The following KHDRBS2 variants were observed in gnomAD, a reference collection of about 807,000 sequenced individuals.
The protein encoded by KHDRBS2 is KH domain-containing, RNA-binding, signal transduction-associated protein 2.
KHDRBS2 carries 26 observed loss-of-function variants against 44.3 expected under a neutral mutation model. The ratio of observed to expected loss-of-function variants is 0.59; its 90% CI spans 0.43 to 0.81. KHDRBS2 has a LOEUF of 0.81. Among genes scored for constraint, KHDRBS2 ranks in the 40% least tolerant of loss-of-function variants. KHDRBS2 has a pLI of 0.00. For missense variants in KHDRBS2, 476 were observed against 433.1 expected (o/e 1.10, Z -0.88); for synonymous variants, 194 against 151.1 (o/e 1.28, Z -2.08).
chr6:62,254,205 TTTATA>T (rs1439617524), intron 1 of KHDRBS2, among the ~76,000 whole-genome samples: 6 of 152,176 alleles, frequency 3.9e-5, no homozygotes, highest in African/African-American at 1.4e-4. Flanking sequence ...CACAGAATAC[TTTATA>T]TTAAAGTGCT....
At chr6:61,635,723 G>A in the KHDRBS2 span, among the ~76,000 whole-genome samples, 1 of 152,118 alleles carries the variant, frequency 6.6e-6, no homozygotes, top group Admixed American at 6.6e-5. Context: ...TACTATCCAT[G>A]TTGAGGTTCC....
chr6:61,562,996 C>A, the KHDRBS2 span, among the ~76,000 whole-genome samples: 3 of 152,096 alleles, frequency 2.0e-5, no homozygotes, highest in Non-Finnish European at 2.9e-5. Flanking sequence ...CTGTGCAGAA[C>A]ATACTGGCTT....
intron 2 of KHDRBS2, among the ~76,000 whole-genome samples, chr6:62,050,450 G>GA (rs774252795): frequency 2.0e-5 from 3 of 148,496 alleles, no homozygotes; most frequent in Admixed American, 6.7e-5. Flanking sequence ...AAGGGGGTGA[G>GA]AAAAAAAAGC....
intron 1 of KHDRBS2, among the ~76,000 whole-genome samples, chr6:62,273,970 CTGT>C (rs1425202610): frequency 6.6e-6 from 1 of 152,090 alleles, no homozygotes; most frequent in African/African-American, 2.4e-5. Context: ...AATGGAGTCT[CTGT>C]CACCCAGGCT....
intron 4 of KHDRBS2, among the ~76,000 whole-genome samples, chr6:61,968,795 T>G (rs1289860076): frequency 6.6e-6 from 1 of 152,012 alleles, no homozygotes; most frequent in Non-Finnish European, 1.5e-5. Context: ...CCTTTTTTGT[T>G]GCCTGACCTC....
rs990051377 is a variant in KHDRBS2 at position 61,945,166 on chromosome 6, T to G, written c.483+32900A>C. 8.9e-4 allele frequency among the ~76,000 whole-genome samples: 100 copies of G among 112,032 alleles called. 6 individuals carry two copies. The highest frequency in any genetic ancestry group is 3.3e-3 in the African/African-American group (100 of 30,580). 73.5% of individuals were successfully genotyped at this position (112,032 alleles called of 152,430 possible). A position where few individuals can be genotyped will look rare whatever the true frequency, so the allele number is the denominator to read the frequency against. On this transcript the variant is annotated intron_variant, in intron 4 of 8. Coordinates refer to ENST00000281156, the MANE Select transcript of KHDRBS2 (RefSeq NM_152688.4). ...ATATATATATACACACAGACTTGTC[T>G]TGATAAAGTTTATTTTTAATAGTAA... is the stretch of plus-strand genomic sequence containing the variant.
chr6:62,169,982 T>G (rs1585044561), intron 2 of KHDRBS2, among the ~76,000 whole-genome samples: 1 of 151,474 alleles, frequency 6.6e-6, no homozygotes, highest in Admixed American at 6.6e-5. Context: ...ACAGCCTTCT[T>G]ACAGTCTTAG....
At chr6:61,983,206 TTC>T (rs1491206410) in intron 3 of KHDRBS2, among the ~76,000 whole-genome samples, 1 of 64,142 alleles carries the variant, frequency 1.6e-5, no homozygotes, top group African/African-American at 6.2e-5. Flanking sequence ...TTCATTTTCT[TTC>T]TTTCTTTCTT....
At chr6:61,774,606 C>A (rs908097198) in intron 6 of KHDRBS2, among the ~76,000 whole-genome samples, 2 of 152,116 alleles carry the variant, frequency 1.3e-5, no homozygotes, top group African/African-American at 4.8e-5. Flanking sequence ...GAAGTTGAAT[C>A]TCTGAATAGA....
chr6:62,029,794 A>C (rs1162738026), intron 3 of KHDRBS2, among the ~76,000 whole-genome samples: 2 of 151,998 alleles, frequency 1.3e-5, no homozygotes, highest in Non-Finnish European at 2.9e-5. Flanking sequence ...CACTTATATA[A>C]GACATTCAAT....
chr6:61,790,057 A>G (rs533023649), intron 6 of KHDRBS2, among the ~76,000 whole-genome samples: 2 of 151,606 alleles, frequency 1.3e-5, no homozygotes, highest in African/African-American at 4.8e-5. Context: ...TGACTCAGGC[A>G]TATAACCCCC....
chr6:62,034,510 G>C (rs1784904790), intron 3 of KHDRBS2, among the ~76,000 whole-genome samples: 1 of 151,586 alleles, frequency 6.6e-6, no homozygotes. Flanking sequence ...CAATCAACAT[G>C]ATACATCAGT....
chr6:61,776,908 AATGG>A (rs1371290262), intron 6 of KHDRBS2, among the ~76,000 whole-genome samples: 1 of 152,204 alleles, frequency 6.6e-6, no homozygotes, highest in Non-Finnish European at 1.5e-5. Flanking sequence ...ACAACGATAG[AATGG>A]ATGAAGAAAA....
intron 6 of KHDRBS2, among the ~76,000 whole-genome samples, chr6:61,791,477 C>T (rs1192069): frequency 0.23 from 34,789 of 151,212 alleles, 4,704 homozygotes; most frequent in South Asian, 0.35. Flanking sequence ...TTGAATTTCT[C>T]CCTCAAAGCA....
At chr6:62,180,233 T>A (rs1477704616) in intron 1 of KHDRBS2, among the ~76,000 whole-genome samples, 1 of 151,810 alleles carries the variant, frequency 6.6e-6, no homozygotes, top group Non-Finnish European at 1.5e-5. Flanking sequence ...GGCATCCAAA[T>A]AAGGAAAGTA....
chr6:62,262,258 A>G (rs139312665), intron 1 of KHDRBS2, among the ~76,000 whole-genome samples: 148 of 151,886 alleles, frequency 9.7e-4, no homozygotes, highest in African/African-American at 3.4e-3. Context: ...AAATATCTGG[A>G]TAACTCTGGA....
At chr6:62,064,315 A>G (rs1206178437) in intron 2 of KHDRBS2, among the ~76,000 whole-genome samples, 1 of 150,080 alleles carries the variant, frequency 6.7e-6, no homozygotes, top group African/African-American at 2.5e-5. Context: ...AAGAGCCCAC[A>G]TCGCCAAGTC....
intron 2 of KHDRBS2, among the ~76,000 whole-genome samples, chr6:62,100,411 G>A (rs1276836157): frequency 1.3e-5 from 2 of 152,192 alleles, no homozygotes; most frequent in East Asian, 3.8e-4. Flanking sequence ...AGACATAGTA[G>A]GTTGGAGGGA....
At chr6:62,135,516 T>C (rs1011947656) in intron 2 of KHDRBS2, among the ~76,000 whole-genome samples, 1 of 152,182 alleles carries the variant, frequency 6.6e-6, no homozygotes, top group African/African-American at 2.4e-5. Context: ...GACCCACGTA[T>C]ACCTCTTCTG....
Sources: gnomAD v4.1 joint callset for allele counts (sites outside exome capture counted in the v4.1 genomes callset) on GRCh38, gnomAD v4.1.1 for gene constraint, MANE v1.5 for transcripts, NCBI Gene and HGNC (gene_info 2026-07-23, HGNC 2026-07-21) for gene names.